The following CPNE8 variants were observed in gnomAD, a reference collection of about 807,000 sequenced individuals.
CPNE8 encodes the protein copine 8, also known as copine-8.
In CPNE8, 45 loss-of-function variants were observed where a neutral mutation model predicts 81.5. That is an observed-to-expected ratio of 0.55 (90% CI 0.44 to 0.71). The LOEUF is 0.71. Ranked by LOEUF, CPNE8 falls within the 30% of genes least tolerant of loss-of-function variation. The pLI is 0.00. For missense variants in CPNE8, 594 were observed against 672.1 expected (o/e 0.88, Z 1.28); for synonymous variants, 252 against 226.3 (o/e 1.11, Z -1.02).
Position 38,786,355 on chromosome 12 carries a change from C to G in CPNE8, c.408-10054G>C, listed in dbSNP as rs192626568. 3.3e-5 allele frequency among the ~76,000 whole-genome samples: 5 copies of G among 152,174 alleles called. No individual in the cohort carries two copies. In the East Asian group the frequency reaches 7.7e-4, roughly 23 times the overall value. ...AGTGGGCTGAGAAAGGCAGACCCAC[C>G]CTTACTCTGGGTGAGCACAATCTCA... On this transcript the variant is annotated intron_variant, in intron 6 of 19. Coordinates refer to ENST00000331366, the MANE Select transcript of CPNE8 (RefSeq NM_153634.3).
chr12:38,797,525 C>A (rs1942521881), intron 6 of CPNE8, among the ~76,000 whole-genome samples: 1 of 152,110 alleles, frequency 6.6e-6, no homozygotes, highest in African/African-American at 2.4e-5. Context: ...ACAGAGAGGA[C>A]ATCCACACCA....
chr12:38,892,055 T>G (rs1259126326), intron 1 of CPNE8, among the ~76,000 whole-genome samples: 1 of 152,186 alleles, frequency 6.6e-6, no homozygotes, highest in Non-Finnish European at 1.5e-5. Flanking sequence ...TTCAAGAATC[T>G]AGTAAAATAT....
At chr12:38,860,559 T>C (rs1431378900) in intron 3 of CPNE8, among the ~76,000 whole-genome samples, 6 of 94,646 alleles carry the variant, frequency 6.3e-5, no homozygotes, top group Admixed American at 6.0e-4. Context: ...TTTGAGTATA[T>C]ATCAAAAAAA....
In CPNE8 at chr12:38,799,534, C is replaced by T. The variant is rs530427003; in HGVS notation, c.408-23233G>A. Among the ~76,000 whole-genome samples, 131 of 152,114 alleles carry T rather than the reference C, an allele frequency of 8.6e-4. 2 individuals are homozygous for T. The highest frequency in any genetic ancestry group is 4.4e-3 in the South Asian group (21 of 4,796). On this transcript the variant is annotated intron_variant, in intron 6 of 19. Coordinates refer to ENST00000331366, the MANE Select transcript of CPNE8 (RefSeq NM_153634.3). ...ACACAACATACCAGAATCTCTGGGA[C>T]GCATTCAAAGCAGTGTGTAGAGGGA...
In CPNE8 at chr12:38,775,125, T is replaced by C. The variant is rs563094443; in HGVS notation, c.471+1113A>G. Among the ~76,000 whole-genome samples the C allele has an allele frequency of 2.0e-5, 3 of 152,202 alleles. No homozygotes were observed. In the East Asian group the frequency reaches 5.8e-4, roughly 29 times the overall value. On this transcript the variant is annotated intron_variant, in intron 7 of 19. Coordinates refer to ENST00000331366, the MANE Select transcript of CPNE8 (RefSeq NM_153634.3). ...ATCATCTATCTATATTTGAGAGATA[T>C]AATATATACATATATTTGAGACAAG... is the stretch of plus-strand genomic sequence containing the variant.
chr12:38,805,734 A>C (rs1198746396), intron 6 of CPNE8, among the ~76,000 whole-genome samples: 1 of 148,474 alleles, frequency 6.7e-6, no homozygotes, highest in African/African-American at 2.4e-5. Flanking sequence ...AGCTAGCAGA[A>C]GGCAAGAAAT....
chr12:38,794,077 G>A (rs776642535), intron 6 of CPNE8, among the ~76,000 whole-genome samples: 10 of 151,994 alleles, frequency 6.6e-5, no homozygotes, highest in African/African-American at 2.2e-4. Context: ...ATGGATTAAA[G>A]ACTTAAACAT....
At chr12:38,833,690 G>C (rs1943334626) in intron 5 of CPNE8, among the ~76,000 whole-genome samples, 1 of 151,972 alleles carries the variant, frequency 6.6e-6, no homozygotes, top group South Asian at 2.1e-4. Flanking sequence ...GTGTTAGCCA[G>C]GATGGTCTCG....
intron 10 of CPNE8, among the ~76,000 whole-genome samples, chr12:38,739,120 C>T (rs1941028430): frequency 6.6e-6 from 1 of 152,052 alleles, no homozygotes; most frequent in Non-Finnish European, 1.5e-5. Flanking sequence ...CCTAAAATTA[C>T]TTTCTTAAAT....
At chr12:38,889,149 G>A (rs944736893) in intron 1 of CPNE8, among the ~76,000 whole-genome samples, 9 of 152,028 alleles carry the variant, frequency 5.9e-5, no homozygotes, top group Admixed American at 1.3e-4. Context: ...ATTTAGTGTT[G>A]GAGACCATGA....
chr12:38,718,852 C>A (rs1024651972), intron 13 of CPNE8, among the ~76,000 whole-genome samples: 1 of 151,924 alleles, frequency 6.6e-6, no homozygotes, highest in Non-Finnish European at 1.5e-5. Context: ...AAATGATGTA[C>A]AATCATATAA....
intron 6 of CPNE8, among the ~76,000 whole-genome samples, chr12:38,817,849 T>G (rs1463597423): frequency 1.3e-5 from 2 of 152,078 alleles, no homozygotes; most frequent in African/African-American, 4.8e-5. Flanking sequence ...GGTCTCGATC[T>G]CCTGACCTCG....
At chr12:38,906,010 CTTCT>C, upstream of CPNE8, 1 of 990,390 alleles carries the variant, frequency 1.0e-6, no homozygotes, top group Non-Finnish European at 1.2e-6. Flanking sequence ...CGACAGCTTC[CTTCT>C]GTCAATCAGG....
At chr12:38,905,617 A>ATGGGGGT, upstream of CPNE8, 4 of 1,520,860 alleles carry the variant, frequency 2.6e-6, no homozygotes, top group Non-Finnish European at 3.5e-6. Context: ...TCAGGCGGGG[A>ATGGGGGT]TGGGGGTTGA....
At chr12:38,864,154 G>A (rs971828223) in intron 3 of CPNE8, among the ~76,000 whole-genome samples, 1 of 151,920 alleles carries the variant, frequency 6.6e-6, no homozygotes, top group Admixed American at 6.6e-5. Flanking sequence ...ATAAATGTAT[G>A]TATAAATTGA....
At chr12:38,790,832 T>C (rs1047878252) in intron 6 of CPNE8, among the ~76,000 whole-genome samples, 6 of 151,770 alleles carry the variant, frequency 4.0e-5, no homozygotes, top group African/African-American at 1.4e-4. Flanking sequence ...CTGGATAATT[T>C]GTTTTTTGTG....
chr12:38,856,497 G>A (rs900991395), intron 3 of CPNE8, among the ~76,000 whole-genome samples: 1 of 152,044 alleles, frequency 6.6e-6, no homozygotes, highest in Non-Finnish European at 1.5e-5. Flanking sequence ...ACATTAAAAG[G>A]ATCATCCTTG....
chr12:38,706,770 A>C (rs1791301910), intron 13 of CPNE8, among the ~76,000 whole-genome samples: 2 of 152,152 alleles, frequency 1.3e-5, no homozygotes, highest in South Asian at 4.1e-4. Flanking sequence ...AATGCTTTCC[A>C]CATATTGAAA....
At chr12:38,704,826 G>GTATATATATGTGTATGTATATATATA (rs58878926) in intron 13 of CPNE8, among the ~76,000 whole-genome samples, 2 of 50,200 alleles carry the variant, frequency 4.0e-5, no homozygotes, top group Non-Finnish European at 1.1e-4. Flanking sequence ...GTATGTATGT[G>GTATATATATGTGTATGTATATATATA]TATATATATA....
Sources: gnomAD v4.1 joint callset for allele counts (sites outside exome capture counted in the v4.1 genomes callset) on GRCh38, gnomAD v4.1.1 for gene constraint, MANE v1.5 for transcripts, NCBI Gene and HGNC (gene_info 2026-07-23, HGNC 2026-07-21) for gene names.